Variants in CD274 observed in about 807,000 individuals in gnomAD.
CD274 encodes CD274 molecule, also known as programmed cell death 1 ligand 1.
Under a neutral mutation model 30.1 loss-of-function variants are expected in CD274, and 8 were observed. The observed-to-expected ratio is 0.27, with a 90% CI of 0.16 to 0.48. CD274 has a LOEUF of 0.48. Among genes scored for constraint, CD274 ranks in the 20% least tolerant of loss-of-function variants. The pLI, the probability that CD274 is intolerant of heterozygous loss-of-function variation, is 0.99. For missense variants in CD274, 353 were observed against 346.6 expected (o/e 1.02, Z -0.15); for synonymous variants, 152 against 124.6 (o/e 1.22, Z -1.46).
In CD274 at chr9:5,469,640, T is replaced by G. The variant is rs763153496; in HGVS notation, c.*1778T>G. The G allele has an allele frequency of 4.3e-6, 1 of 232,176 alleles. No individual in the cohort carries two copies. The highest frequency in any genetic ancestry group is 6.1e-5 in the East Asian group (1 of 16,362). 14.4% of individuals were successfully genotyped at this position (232,176 alleles called of 1,614,324 possible). On this transcript the variant is annotated 3_prime_UTR_variant, in exon 7 of 7. Transcript: ENST00000381577. ...TGCCTTCTTTGTTTCTAAGTTATCT[T>G]TCCCATAGCTTTTCATTATCTTTCA... is the stretch of plus-strand genomic sequence containing the variant.
chr9:5,450,777 G>T (rs779114769), intron 1 of CD274, among the ~76,000 whole-genome samples, 181 bp downstream of exon 1: 3 of 152,236 alleles, frequency 2.0e-5, no homozygotes, highest in Non-Finnish European at 4.4e-5. Flanking sequence ...ATAAGAACAG[G>T]CAATGCATCT....
At chr9:5,453,914 T>C (rs1819252138) in intron 1 of CD274, among the ~76,000 whole-genome samples, 1 of 152,156 alleles carries the variant, frequency 6.6e-6, no homozygotes, top group Non-Finnish European at 1.5e-5. Flanking sequence ...CAGCCCAATT[T>C]TGACAACCAA....
At position 5,469,991 on chromosome 9, in the gene CD274, C is replaced by T. The variant is rs781213353; in HGVS notation, c.*2129C>T. The T allele has an allele frequency of 1.7e-5, 4 of 233,074 alleles. No individual in the cohort carries two copies. Among genetic ancestry groups the T allele is most frequent in the Non-Finnish European group, 2.5e-5 (3 of 117,964 alleles). 14.4% of individuals were successfully genotyped at this position (233,074 alleles called of 1,614,324 possible). On this transcript the variant is annotated 3_prime_UTR_variant, in exon 7 of 7. Coordinates refer to ENST00000381577, the MANE Select transcript of CD274 (RefSeq NM_014143.4). ...GCTAGCTACCCTGTGCCAGAAAAGC[C>T]TCATTCGTTGTGCTTGAACCCTTGA...
intron 3 of CD274, among the ~76,000 whole-genome samples, chr9:5,462,165 A>G (rs1015911494): frequency 2.6e-5 from 4 of 152,196 alleles, no homozygotes; most frequent in East Asian, 1.9e-4. Context: ...CCAGGAACAT[A>G]TATCACTGTT....
rs567151877 is a variant in CD274 at position 5,464,804 on chromosome 9, G to A, written c.683-695G>A. On this transcript the variant is annotated intron_variant, in intron 4 of 6. Transcript: ENST00000381577. The stretch of plus-strand genomic sequence containing the variant: ...GCTTCTATATTAAAGAATGCAAGAG[G>A]GGCCAGGAGCGGAGGCTCATGCCTG... 9.2e-5 allele frequency among the ~76,000 whole-genome samples: 14 copies of A among 152,230 alleles called. No homozygotes were observed. The South Asian group carries it at 2.3e-3, about 25-fold the overall frequency.
At chr9:5,453,236 C>A (rs1819239028) in intron 1 of CD274, among the ~76,000 whole-genome samples, 1 of 152,072 alleles carries the variant, frequency 6.6e-6, no homozygotes, top group Admixed American at 6.5e-5. Context: ...TTTCACTTAA[C>A]CTTTTTATCT....
At position 5,469,093 on chromosome 9, in the gene CD274, G is replaced by A. The variant is rs765308977; in HGVS notation, c.*1231G>A. The A allele has an allele frequency of 1.0e-4, 24 of 232,924 alleles. No homozygotes were observed. Among genetic ancestry groups the A allele is most frequent in the African/African-American group, 3.8e-4 (17 of 45,310 alleles). 14.4% of individuals were successfully genotyped at this position (232,924 alleles called of 1,614,324 possible). The stretch of plus-strand genomic sequence containing the variant: ...GAAATAGGCCAATGTGGTCTGGGAC[G>A]GTTGGATATACTTAAACATCTTAAT... On this transcript the variant is annotated 3_prime_UTR_variant, in exon 7 of 7. Transcript: ENST00000381577.
At chr9:5,457,996 A>G (rs1200869998) in intron 3 of CD274, among the ~76,000 whole-genome samples, 1 of 152,266 alleles carries the variant, frequency 6.6e-6, no homozygotes, top group African/African-American at 2.4e-5. Context: ...ACAAAAAATA[A>G]TCACATTAAG....
intron 3 of CD274, 24 bp from the exon 4 acceptor site, chr9:5,462,810 G>T (rs1819427509): frequency 1.2e-6 from 2 of 1,602,776 alleles, no homozygotes; most frequent in African/African-American, 1.3e-5. Context: ...CAAAAGCCCT[G>T]ACTTCTTTTT....
At position 5,469,140 on chromosome 9, in the gene CD274, CAAAG is replaced by C; in HGVS notation, c.*1280_*1283del. ...TAATAATCAGAGTAATTTTCATTTA[CAAAG>C]AGAGGTCGGTACTTAAAATAACCCT... On this transcript the variant is annotated 3_prime_UTR_variant, in exon 7 of 7. Transcript: ENST00000381577. 4.3e-6 allele frequency: 1 copy of C among 233,002 alleles called. No individual in the cohort carries two copies. The highest frequency in any genetic ancestry group is 8.5e-6 in the Non-Finnish European group (1 of 117,920). The allele number at this position is 233,002 out of a possible 1,614,324, so 14.4% of individuals were successfully genotyped here.
chr9:5,465,673 T>C, intron 5 of CD274, 67 bp downstream of exon 5: 1 of 986,544 alleles, frequency 1.0e-6, no homozygotes, highest in East Asian at 2.4e-5. Context: ...GGATCATGGC[T>C]GCAAGGAAAC....
intron 1 of CD274, among the ~76,000 whole-genome samples, chr9:5,452,310 C>T (rs1327051678): frequency 6.6e-6 from 1 of 152,216 alleles, no homozygotes; most frequent in Non-Finnish European, 1.5e-5. Context: ...AGCCACTGCT[C>T]CTGGCTGCTT....
intron 1 of CD274, among the ~76,000 whole-genome samples, chr9:5,453,198 A>C (rs860290): frequency 0.77 from 116,960 of 151,928 alleles, 45,813 homozygotes; most frequent in African/African-American, 0.9. Context: ...GGTACCTAAC[A>C]CTGGCAAGAG....
chr9:5,462,080 A>G (rs181994571), intron 3 of CD274, among the ~76,000 whole-genome samples: 1 of 152,228 alleles, frequency 6.6e-6, no homozygotes. Flanking sequence ...CAGTAACTCT[A>G]TACTATCTTT....
intron 3 of CD274, among the ~76,000 whole-genome samples, 180 bp downstream of exon 3, chr9:5,457,600 A>C (rs548899352): frequency 7.2e-4 from 109 of 152,346 alleles, no homozygotes; most frequent in African/African-American, 2.4e-3. Context: ...CACCTATTTG[A>C]TAGTCACTGG....
intron 1 of CD274, among the ~76,000 whole-genome samples, chr9:5,454,875 A>AT (rs1268971595): frequency 6.6e-6 from 1 of 152,106 alleles, no homozygotes; most frequent in African/African-American, 2.4e-5. Context: ...TTCATATCTT[A>AT]TATTTTTTAT....
chr9:5,454,168 T>C (rs1430765277), intron 1 of CD274, among the ~76,000 whole-genome samples: 2 of 152,226 alleles, frequency 1.3e-5, no homozygotes, highest in East Asian at 1.9e-4. Context: ...GGTGAAGTGA[T>C]TCATGAAATT....
chr9:5,460,615 T>C (rs1819386458), intron 3 of CD274, among the ~76,000 whole-genome samples: 1 of 152,142 alleles, frequency 6.6e-6, no homozygotes, highest in African/African-American at 2.4e-5. Context: ...ATAAAGCTAG[T>C]TCTAAACCCA....
intron 3 of CD274, among the ~76,000 whole-genome samples, chr9:5,461,041 A>G (rs188259954): frequency 1.2e-4 from 19 of 152,322 alleles, no homozygotes; most frequent in Admixed American, 1.2e-3. Context: ...AGTTTTTACT[A>G]ATTGTGATGC....
Sources: allele counts gnomAD v4.1 joint callset (sites outside exome capture counted in the v4.1 genomes callset), GRCh38; gene constraint gnomAD v4.1.1; transcripts MANE v1.5; gene names NCBI Gene and HGNC (gene_info 2026-07-23, HGNC 2026-07-21).